Variants in MYO7B observed in about 807,000 individuals in gnomAD.
MYO7B encodes the protein unconventional myosin-VIIb.
A neutral mutation model predicts 259.7 loss-of-function variants in MYO7B; 212 were observed. The observed-to-expected ratio is 0.82, with a 90% CI of 0.73 to 0.91. The LOEUF (loss-of-function observed/expected upper bound fraction) is 0.91. MYO7B is among the 40% of genes least tolerant of loss of function. The pLI, the probability that MYO7B is intolerant of heterozygous loss-of-function variation, is 0.00. For synonymous variants in MYO7B, 1,197 were observed against 1,166.4 expected, an observed-to-expected ratio of 1.03 and a Z score of -0.54; for missense variants, 2,732 against 2,813.5, an observed-to-expected ratio of 0.97 and a Z score of 0.66.
Position 127,632,409 on chromosome 2 carries a change from C to T in MYO7B, c.5405+8C>T, listed in dbSNP as rs376484556. The T allele has an allele frequency of 7.9e-6, 12 of 1,528,454 alleles. No individual in the cohort carries two copies. The African/African-American group carries it at 1.3e-4, about 16-fold the overall frequency. The allele number at this position is 1,528,454 out of a possible 1,614,324, so 94.7% of individuals were successfully genotyped here. A position where few individuals can be genotyped will look rare whatever the true frequency, so the allele number is the denominator to read the frequency against. On this transcript the variant is annotated splice_region_variant and intron_variant, in intron 39 of 47. Transcript: ENST00000409816. ...AATCCAGAAGGTCCTGAGGTGAGCCCAGTGCCTCCAGCCCCCAGCATTGGC... is the reference window on the plus strand; with the variant it reads ...AATCCAGAAGGTCCTGAGGTGAGCCTAGTGCCTCCAGCCCCCAGCATTGGC...
intron 9 of MYO7B, 129 bp from the exon 10 acceptor site, chr2:127,580,617 C>A (rs1429992576): frequency 3.6e-6 from 3 of 844,820 alleles, no homozygotes. Flanking sequence ...CTGGGAGAGA[C>A]CGTGGCTTAC....
intron 35 of MYO7B, among the ~76,000 whole-genome samples, chr2:127,630,214 C>T (rs1024599994): frequency 6.6e-6 from 1 of 152,228 alleles, no homozygotes; most frequent in African/African-American, 2.4e-5. Flanking sequence ...GCAACATGTA[C>T]ATACTGAGTG....
intron 9 of MYO7B, 90 bp from the exon 10 acceptor site, chr2:127,580,656 C>T (rs1679060965): frequency 1.6e-6 from 2 of 1,274,536 alleles, no homozygotes; most frequent in Admixed American, 2.0e-5. Flanking sequence ...CTGAGTGGAT[C>T]TGGGGCTGCC....
chr2:127,570,011 G>T (rs1227943499), intron 6 of MYO7B, 101 bp downstream of exon 6: 1 of 1,372,680 alleles, frequency 7.3e-7, no homozygotes, highest in East Asian at 2.5e-5. Flanking sequence ...CAAACCTTCA[G>T]CAACTCCTCC....
At chr2:127,622,150 C>T in intron 28 of MYO7B, 49 bp downstream of exon 28, 1 of 1,516,240 alleles carries the variant, frequency 6.6e-7, no homozygotes, top group Non-Finnish European at 8.9e-7. Flanking sequence ...GGTGCAGACC[C>T]CCAGGGACCC....
chr2:127,593,877 A>G (rs1003705397), intron 18 of MYO7B, among the ~76,000 whole-genome samples: 1 of 152,144 alleles, frequency 6.6e-6, no homozygotes, highest in Non-Finnish European at 1.5e-5. Flanking sequence ...GTGGAAGCCC[A>G]GGAGGCTTCT....
chr2:127,633,338 TCTA>T lies in MYO7B; in HGVS notation c.5489_5491del (p.Tyr1830del). 1 of 1,612,852 alleles carries T rather than the reference TCTA, an allele frequency of 6.2e-7. No homozygotes were observed. Among genetic ancestry groups the T allele is most frequent in the Non-Finnish European group, 8.5e-7 (1 of 1,179,770 alleles). On this transcript the variant is annotated inframe_deletion, in exon 40 of 48. Coordinates refer to ENST00000409816, the MANE Select transcript of MYO7B (RefSeq NM_001393586.1). The stretch of plus-strand genomic sequence containing the variant: ...AACGTCTCCCGCATCTGCCACAAGA[TCTA>T]CTTCCCCAATGACACCAGTGAGGTG...
At position 127,586,964 on chromosome 2, in the gene MYO7B, C is replaced by G. The variant is rs1655730729; in HGVS notation, c.1691-1428C>G. On this transcript the variant is annotated intron_variant, in intron 14 of 47. Coordinates refer to ENST00000409816, the MANE Select transcript of MYO7B (RefSeq NM_001393586.1). This position sits in a 1 kb window ranked among gnomAD's most constrained non-coding sequence, Gnocchi z 4.8. ...CCCTGCCCAGCACCCAGTGCAGCCC[C>G]CCTGGTGCTGCTCCCCTCACAGACA... Among the ~76,000 whole-genome samples the G allele has an allele frequency of 6.6e-6, 1 of 152,112 alleles. No individual in the cohort carries two copies. The highest frequency in any genetic ancestry group is 1.5e-5 in the Non-Finnish European group (1 of 68,010).
At chr2:127,591,296 G>A (rs1415799926) in intron 16 of MYO7B, among the ~76,000 whole-genome samples, 2 of 152,266 alleles carry the variant, frequency 1.3e-5, no homozygotes, top group Admixed American at 6.5e-5. Flanking sequence ...GCTGGGAGAA[G>A]TAGCTGGGCT....
rs149073931 is a variant in MYO7B, at chr2:127,636,035, C to T, written c.6006+128C>T. On this transcript the variant is annotated intron_variant, in intron 44 of 47. Transcript: ENST00000409816. This position sits in a 1 kb window ranked among gnomAD's most constrained non-coding sequence, Gnocchi z 4.5. ...ATGGGTGGTGTGGAGGGTGGGCTGG[C>T]TCTGCACACACCACGCCTTCCTATG... 3,596 of 1,228,044 alleles carry T rather than the reference C, an allele frequency of 2.9e-3. 6 individuals carry two copies. Among genetic ancestry groups the T allele is most frequent in the Non-Finnish European group, 3.7e-3 (3,292 of 883,482 alleles). The allele number at this position is 1,228,044 out of a possible 1,614,324, so 76.1% of individuals were successfully genotyped here.
intron 2 of MYO7B, among the ~76,000 whole-genome samples, chr2:127,562,505 T>G (rs1337664256): frequency 6.9e-6 from 1 of 144,082 alleles, no homozygotes; most frequent in Non-Finnish European, 1.5e-5. Flanking sequence ...TTTTTTTTTT[T>G]TGAGACGGAG....
Position 127,614,056 on chromosome 2 carries a change from G to A in MYO7B, c.3398+1453G>A, listed in dbSNP as rs924128849. Among the ~76,000 whole-genome samples the A allele has an allele frequency of 3.9e-5, 6 of 152,204 alleles. No homozygotes were observed. In the South Asian group the frequency reaches 1.2e-3, roughly 31 times the overall value. On this transcript the variant is annotated intron_variant, in intron 26 of 47. Coordinates refer to ENST00000409816, the MANE Select transcript of MYO7B (RefSeq NM_001393586.1). This position sits in a 1 kb window ranked among gnomAD's most constrained non-coding sequence, Gnocchi z 4.6. ...TGCCTGCATGACACTAGCTGGGCAAGTCTTCTGACTTAGCTGGTTCTAATT... is the reference window on the plus strand; with the variant it reads ...TGCCTGCATGACACTAGCTGGGCAAATCTTCTGACTTAGCTGGTTCTAATT...
chr2:127,584,976 A>C lies in MYO7B; in HGVS notation c.1690+63A>C. On this transcript the variant is annotated intron_variant, in intron 14 of 47. Transcript: ENST00000409816. This position sits in a 1 kb window ranked among gnomAD's most constrained non-coding sequence, Gnocchi z 5.8. ...GGACCGGGTTCCAGGGAGACCGTGG[A>C]AAGCAGGCTCAGAGGATGAGGCTAT... 1.3e-6 allele frequency: 2 copies of C among 1,591,836 alleles called. No homozygotes were observed.
intron 31 of MYO7B, 50 bp from the exon 32 acceptor site, chr2:127,626,925 T>A: frequency 6.7e-7 from 1 of 1,502,558 alleles, no homozygotes; most frequent in South Asian, 1.2e-5. Context: ...AGGTGAGGGA[T>A]TCACTAGGGA....
rs190260662 is a variant in MYO7B at position 127,599,812 on chromosome 2, G to A, written c.2339+3256G>A. ...TTAGCCTTTCAATGTGGTGAGTTAC[G>A]TTTACTGATTTTTAAATATTGAACC... On this transcript the variant is annotated intron_variant, in intron 19 of 47. Transcript: ENST00000409816. 2.0e-3 allele frequency among the ~76,000 whole-genome samples: 305 copies of A among 152,250 alleles called. 3 individuals are homozygous for A. Among genetic ancestry groups the A allele is most frequent in the African/African-American group, 6.4e-3 (266 of 41,558 alleles).
chr2:127,614,978 C>T lies in MYO7B; in HGVS notation c.3398+2375C>T, dbSNP rs996634678. 6.6e-6 allele frequency among the ~76,000 whole-genome samples: 1 copy of T among 152,244 alleles called. No homozygotes were observed. Among genetic ancestry groups the T allele is most frequent in the Admixed American group, 6.5e-5 (1 of 15,290 alleles). ...ACATCTGTCACACATTCCACACACA[C>T]TTGCTCATTACCCACTCTGGGTCAG... On this transcript the variant is annotated intron_variant, in intron 26 of 47. Transcript: ENST00000409816. This position sits in a 1 kb window ranked among gnomAD's most constrained non-coding sequence, Gnocchi z 4.6.
At chr2:127,566,849 C>G in intron 5 of MYO7B, 22 bp downstream of exon 5, 1 of 1,597,728 alleles carries the variant, frequency 6.3e-7, no homozygotes, top group Admixed American at 1.7e-5. Context: ...GGGTCAGGCA[C>G]CACCTCCAGG....
chr2:127,636,158 T>TGGG lies in MYO7B; in HGVS notation c.6007-50_6007-49insGGG, dbSNP rs753493658. ...GGCAGGTGCTGCCCCCACCAGGGCT[T>TGGG]TGGAGGGCCTCTGGGCACCCAAGTC... On this transcript the variant is annotated intron_variant, in intron 44 of 47. Transcript: ENST00000409816. The surrounding 1 kb of genome is among the most constrained non-coding windows in gnomAD (Gnocchi z 4.5). The TGGG allele has an allele frequency of 1.4e-6, 2 of 1,477,352 alleles. No individual in the cohort carries two copies. The highest frequency in any genetic ancestry group is 2.3e-5 in the South Asian group (2 of 85,886). The allele number at this position is 1,477,352 out of a possible 1,614,324, so 91.5% of individuals were successfully genotyped here.
chr2:127,548,574 C>T (rs184924804), intron 1 of MYO7B, among the ~76,000 whole-genome samples: 36 of 152,106 alleles, frequency 2.4e-4, no homozygotes, highest in Non-Finnish European at 3.8e-4. Context: ...TGCCACCAAG[C>T]CTAGCAGCTT....
Sources: allele counts gnomAD v4.1 joint callset (sites outside exome capture counted in the v4.1 genomes callset), GRCh38; gene constraint gnomAD v4.1.1; non-coding constraint Gnocchi (gnomAD v3.1); transcripts MANE v1.5; gene names NCBI Gene and HGNC (gene_info 2026-07-23, HGNC 2026-07-21).